Variants in KCTD8 observed in about 807,000 individuals in gnomAD.
The protein encoded by KCTD8 is BTB/POZ domain-containing protein KCTD8.
KCTD8 carries 27 observed loss-of-function variants against 31.5 expected under a neutral mutation model. The observed-to-expected ratio is 0.86, with a 90% CI of 0.63 to 1.18. The LOEUF (loss-of-function observed/expected upper bound fraction) is 1.18. Ranked by LOEUF, KCTD8 falls within the 50% of genes most tolerant of loss-of-function variation. The pLI is 0.00. For synonymous variants in KCTD8, 290 were observed against 280.0 expected, an observed-to-expected ratio of 1.04 and a Z score of -0.36; for missense variants, 658 against 647.7, an observed-to-expected ratio of 1.02 and a Z score of -0.17.
chr4:44,215,316 C>A (rs1374659689), intron 1 of KCTD8, among the ~76,000 whole-genome samples: 2 of 152,002 alleles, frequency 1.3e-5, no homozygotes, highest in African/African-American at 4.8e-5. Context: ...AAATATGGTT[C>A]ATTTTAAAGG....
chr4:44,176,147 C>G (rs765956689), intron 1 of KCTD8, among the ~76,000 whole-genome samples: 8 of 152,196 alleles, frequency 5.3e-5, no homozygotes, highest in Non-Finnish European at 8.8e-5. Flanking sequence ...CCCAACAATT[C>G]AGAGATCTAA....
chr4:44,287,174 T>C (rs889463575), intron 1 of KCTD8, among the ~76,000 whole-genome samples: 1 of 152,148 alleles, frequency 6.6e-6, no homozygotes, highest in African/African-American at 2.4e-5. Flanking sequence ...CCCAGCACTT[T>C]GGGAGACCGA....
At chr4:44,313,457 CTA>C (rs1718014106) in intron 1 of KCTD8, among the ~76,000 whole-genome samples, 1 of 152,112 alleles carries the variant, frequency 6.6e-6, no homozygotes, top group South Asian at 2.1e-4. Context: ...CTTGAATTTT[CTA>C]TTTTATTTAT....
At chr4:44,291,407 A>G (rs1470701626) in intron 1 of KCTD8, among the ~76,000 whole-genome samples, 1 of 152,166 alleles carries the variant, frequency 6.6e-6, no homozygotes, top group Admixed American at 6.5e-5. Flanking sequence ...CACTCAATAA[A>G]TGGTGCTGAG....
chr4:44,314,706 G>A (rs1054951228), intron 1 of KCTD8, among the ~76,000 whole-genome samples: 3 of 151,824 alleles, frequency 2.0e-5, no homozygotes, highest in Non-Finnish European at 2.9e-5. Flanking sequence ...CATATATTCT[G>A]CAACTTACTT....
rs1186435486 is a variant in KCTD8, at chr4:44,223,944, A to G, written c.962-48694T>C. ...TATGGACTGTAAGCCTGAAATATTTATTATCTGGCCCTTAAGAAAAGTTTG... is the reference window on the plus strand; with the variant it reads ...TATGGACTGTAAGCCTGAAATATTTGTTATCTGGCCCTTAAGAAAAGTTTG... On this transcript the variant is annotated intron_variant, in intron 1 of 1. Transcript: ENST00000360029. Among the ~76,000 whole-genome samples the G allele has an allele frequency of 2.6e-5, 4 of 152,316 alleles. 1 individual carries two copies. In the South Asian group the frequency reaches 6.2e-4, roughly 24 times the overall value.
chr4:44,186,393 A>C (rs921277985), intron 1 of KCTD8, among the ~76,000 whole-genome samples: 2 of 152,140 alleles, frequency 1.3e-5, no homozygotes, highest in African/African-American at 4.8e-5. Flanking sequence ...AAAAACTTGC[A>C]CTCATGCTCC....
intron 1 of KCTD8, among the ~76,000 whole-genome samples, chr4:44,356,552 C>T (rs1317401330): frequency 6.6e-6 from 1 of 152,152 alleles, no homozygotes. Flanking sequence ...CAACTCACTG[C>T]AACTTCCGCC....
chr4:44,239,534 G>A (rs1715388456), intron 1 of KCTD8, among the ~76,000 whole-genome samples: 1 of 152,126 alleles, frequency 6.6e-6, no homozygotes, highest in South Asian at 2.1e-4. Context: ...TCATAGGCAG[G>A]GTGCTGTGTA....
chr4:44,416,929 T>G (rs1057332379), intron 1 of KCTD8, among the ~76,000 whole-genome samples: 4 of 152,218 alleles, frequency 2.6e-5, no homozygotes, highest in African/African-American at 9.6e-5. Flanking sequence ...AGAAAGATAA[T>G]AAATATATTT....
intron 1 of KCTD8, among the ~76,000 whole-genome samples, chr4:44,189,569 T>C (rs933351181): frequency 2.0e-5 from 3 of 152,126 alleles, no homozygotes; most frequent in Non-Finnish European, 4.4e-5. Flanking sequence ...CTTCACCTTA[T>C]CTCTGTTCCC....
At chr4:44,394,140 C>T (rs1031574346) in intron 1 of KCTD8, among the ~76,000 whole-genome samples, 2 of 151,912 alleles carry the variant, frequency 1.3e-5, no homozygotes, top group Non-Finnish European at 2.9e-5. Flanking sequence ...AACCTAATTA[C>T]GAGTAGTAAA....
chr4:44,336,149 C>CAAAAAAAAAAAA (rs58161667), intron 1 of KCTD8, among the ~76,000 whole-genome samples: 6 of 46,526 alleles, frequency 1.3e-4, no homozygotes, highest in Non-Finnish European at 1.9e-4. Context: ...GACTCCGTCT[C>CAAAAAAAAAAAA]AAAAAAAAAA....
chr4:44,230,178 G>A (rs1715082281), intron 1 of KCTD8, among the ~76,000 whole-genome samples: 1 of 151,998 alleles, frequency 6.6e-6, no homozygotes, highest in African/African-American at 2.4e-5. Flanking sequence ...CTGGTAACTT[G>A]GATACTTTCC....
chr4:44,363,765 C>T (rs1243238050), intron 1 of KCTD8, among the ~76,000 whole-genome samples: 1 of 152,054 alleles, frequency 6.6e-6, no homozygotes, highest in African/African-American at 2.4e-5. Flanking sequence ...CATATCTGCA[C>T]TTAAATCAAT....
chr4:44,374,927 A>G (rs999041222), intron 1 of KCTD8, among the ~76,000 whole-genome samples: 4 of 152,208 alleles, frequency 2.6e-5, no homozygotes, highest in Non-Finnish European at 5.9e-5. Context: ...AAGTGAGCGC[A>G]TGCTGTCAGA....
chr4:44,174,787 T>TTACTATAACCCA lies in KCTD8; in HGVS notation c.1413_*2dup. 1 of 1,582,498 alleles carries TTACTATAACCCA rather than the reference T, an allele frequency of 6.3e-7. No homozygotes were observed. Among genetic ancestry groups the TTACTATAACCCA allele is most frequent in the Non-Finnish European group, 8.6e-7 (1 of 1,163,308 alleles). ...TCAAAATACTGCAGGAATGTGACAA[T>TTACTATAACCCA]TACTATAACCCATACTTCTGCAACA... On this transcript the variant is annotated 3_prime_UTR_variant, in exon 2 of 2. Transcript: ENST00000360029.
chr4:44,301,815 T>C (rs1717632449), intron 1 of KCTD8, among the ~76,000 whole-genome samples: 1 of 152,240 alleles, frequency 6.6e-6, no homozygotes, highest in Non-Finnish European at 1.5e-5. Flanking sequence ...TGAATGGTAA[T>C]GCCTGGGTTT....
intron 1 of KCTD8, among the ~76,000 whole-genome samples, chr4:44,200,891 A>G (rs951809242): frequency 6.8e-6 from 1 of 147,968 alleles, no homozygotes; most frequent in Admixed American, 6.8e-5. Flanking sequence ...TGATGATATG[A>G]TCTATACAGA....
Sources: gnomAD v4.1 joint callset for allele counts (sites outside exome capture counted in the v4.1 genomes callset) on GRCh38, gnomAD v4.1.1 for gene constraint, MANE v1.5 for transcripts, NCBI Gene and HGNC (gene_info 2026-07-23, HGNC 2026-07-21) for gene names.